Variants in PPP1R12B observed in about 807,000 individuals in gnomAD.
The protein encoded by PPP1R12B is protein phosphatase 1 regulatory subunit 12B.
Under a neutral mutation model 126.1 loss-of-function variants are expected in PPP1R12B, and 76 were observed. The observed-to-expected ratio is 0.60, with a 90% CI of 0.50 to 0.73. The LOEUF is 0.73. PPP1R12B is among the 30% of genes least tolerant of loss of function. PPP1R12B has a pLI of 0.00. For missense variants in PPP1R12B, 1,052 were observed against 1,205.1 expected (o/e 0.87, Z 1.88); for synonymous variants, 356 against 434.7 (o/e 0.82, Z 2.25).
intron 10 of PPP1R12B, chr1:202,438,664 G>A (rs1359214187): frequency 1.1e-5 from 6 of 564,064 alleles, no homozygotes; most frequent in South Asian, 1.7e-5. Flanking sequence ...GGAAGAAGAC[G>A]CTTGTCCCAG....
At chr1:202,432,376 C>G (rs969039745) in intron 8 of PPP1R12B, among the ~76,000 whole-genome samples, 3 of 151,956 alleles carry the variant, frequency 2.0e-5, no homozygotes, top group East Asian at 1.9e-4. Flanking sequence ...TCAAGTGATT[C>G]TCATGCCTCA....
chr1:202,570,433 A>G (rs893810388), intron 23 of PPP1R12B, among the ~76,000 whole-genome samples: 2 of 152,200 alleles, frequency 1.3e-5, no homozygotes, highest in Admixed American at 6.5e-5. Context: ...TGCATTTCCT[A>G]CCACTATCCC....
intron 23 of PPP1R12B, chr1:202,575,545 A>G (rs925059176): frequency 6.5e-6 from 1 of 154,968 alleles, no homozygotes; most frequent in African/African-American, 2.4e-5. Context: ...TTTCTTAGCC[A>G]ATAGCAACCC....
chr1:202,385,899 A>G (rs764550208), intron 1 of PPP1R12B, among the ~76,000 whole-genome samples: 18 of 151,714 alleles, frequency 1.2e-4, no homozygotes, highest in Admixed American at 4.6e-4. Flanking sequence ...TGCTGTAACC[A>G]TAAGATTTGC....
At chr1:202,409,580 A>G (rs1438615964) in intron 1 of PPP1R12B, among the ~76,000 whole-genome samples, 1 of 152,162 alleles carries the variant, frequency 6.6e-6, no homozygotes, top group Non-Finnish European at 1.5e-5. Context: ...TCAGCCTCCC[A>G]AAGTGCTGAG....
chr1:202,434,656 A>G lies in PPP1R12B; in HGVS notation c.1142A>G (p.Asp381Gly), dbSNP rs763907628. The G allele has an allele frequency of 5.6e-6, 9 of 1,609,268 alleles. No individual in the cohort carries two copies. Among genetic ancestry groups the G allele is most frequent in the African/African-American group, 1.3e-5 (1 of 74,662 alleles). ...ASESETEKEA[D>G]KKPEAFVNHS... ...TTAATTCTCTTGTCTTAAATAACAG[A>G]TAAAAAGCCAGAAGCCTTTGTCAAT... The change falls in exon 9 of 24, where the codon GAT becomes GGT. Residue 381 changes from aspartate (D) to glycine (G), a missense_variant and splice_region_variant. By Grantham distance (94) the Asp-to-Gly change is moderately conservative. Transcript: ENST00000608999.
intron 1 of PPP1R12B, chr1:202,369,456 G>T (rs184644900): frequency 1.3e-5 from 2 of 152,660 alleles, no homozygotes; most frequent in East Asian, 3.9e-4. Flanking sequence ...AGTTATTCAT[G>T]ATTTGAATTC....
chr1:202,377,523 C>A (rs1255574695), intron 1 of PPP1R12B, among the ~76,000 whole-genome samples: 2 of 151,844 alleles, frequency 1.3e-5, no homozygotes, highest in Non-Finnish European at 2.9e-5. Context: ...CCAGGATGGT[C>A]TCGATCTCCC....
chr1:202,360,286 A>G (rs1488543497), intron 1 of PPP1R12B, among the ~76,000 whole-genome samples: 2 of 152,170 alleles, frequency 1.3e-5, no homozygotes, highest in African/African-American at 4.8e-5. Flanking sequence ...GCCTGCAAAA[A>G]TTTTGAAGTT....
At chr1:202,388,306 C>T (rs1663504395) in intron 1 of PPP1R12B, among the ~76,000 whole-genome samples, 1 of 152,158 alleles carries the variant, frequency 6.6e-6, no homozygotes, top group Non-Finnish European at 1.5e-5. Flanking sequence ...GCCTCAGCCT[C>T]CTGAGTAGCT....
intron 1 of PPP1R12B, among the ~76,000 whole-genome samples, chr1:202,399,370 G>A (rs555471146): frequency 3.9e-5 from 6 of 151,986 alleles, no homozygotes; most frequent in Admixed American, 1.3e-4. Context: ...ACAGGCATGT[G>A]TTAGCATGCT....
chr1:202,384,462 A>T (rs1315566175), intron 1 of PPP1R12B, among the ~76,000 whole-genome samples: 5 of 152,260 alleles, frequency 3.3e-5, no homozygotes, highest in Non-Finnish European at 1.5e-5. Context: ...AATAGGCTAC[A>T]TATTATATGA....
At position 202,583,388 on chromosome 1, in the gene PPP1R12B, C is replaced by A. The variant is rs958986371; in HGVS notation, c.*2828C>A. On this transcript the variant is annotated 3_prime_UTR_variant, in exon 24 of 24. Transcript: ENST00000608999. ...TTCACATGACCCTTCCATGTTAAAG[C>A]TGACTTTTCTTGCCAGAAAGTTTTC... 3.3e-5 allele frequency: 5 copies of A among 152,160 alleles called. No individual in the cohort carries two copies. Among genetic ancestry groups the A allele is most frequent in the Admixed American group, 6.5e-5 (1 of 15,278 alleles). 9.4% of individuals were successfully genotyped at this position (152,160 alleles called of 1,614,324 possible).
At chr1:202,543,467 G>A (rs566577973) in intron 18 of PPP1R12B, among the ~76,000 whole-genome samples, 10 of 152,232 alleles carry the variant, frequency 6.6e-5, no homozygotes, top group African/African-American at 2.2e-4. Context: ...CCAGCTGGGC[G>A]CAGTGGCTCA....
chr1:202,401,245 A>G (rs1400145666), intron 1 of PPP1R12B, among the ~76,000 whole-genome samples: 1 of 151,644 alleles, frequency 6.6e-6, no homozygotes, highest in Non-Finnish European at 1.5e-5. Context: ...GCTGGAGTAT[A>G]ATGGCACAGT....
chr1:202,372,536 A>G (rs1376328348), intron 1 of PPP1R12B, among the ~76,000 whole-genome samples: 1 of 151,706 alleles, frequency 6.6e-6, no homozygotes, highest in African/African-American at 2.4e-5. Context: ...TTTTGCCTGG[A>G]CAAGGTGGCT....
At chr1:202,371,013 T>C (rs1471253743) in intron 1 of PPP1R12B, among the ~76,000 whole-genome samples, 1 of 144,980 alleles carries the variant, frequency 6.9e-6, no homozygotes, top group African/African-American at 2.6e-5. Context: ...TTTTTTTTTT[T>C]TTTTTTTTTT....
intron 18 of PPP1R12B, among the ~76,000 whole-genome samples, chr1:202,549,153 T>C (rs543344437): frequency 1.3e-5 from 2 of 152,250 alleles, no homozygotes; most frequent in Admixed American, 6.5e-5. Context: ...ACTTCATCTT[T>C]CAAGGCAGAC....
At chr1:202,567,571 A>G in intron 21 of PPP1R12B, 1 of 565,824 alleles carries the variant, frequency 1.8e-6, no homozygotes, top group Non-Finnish European at 3.1e-6. Context: ...TCCCCTCCCC[A>G]GAGGGAATCC....
Sources: gnomAD v4.1 joint callset for allele counts (sites outside exome capture counted in the v4.1 genomes callset) on GRCh38, gnomAD v4.1.1 for gene constraint, MANE v1.5 for transcripts, NCBI Gene and HGNC (gene_info 2026-07-23, HGNC 2026-07-21) for gene names.